Variants in CACNA2D3 observed in about 807,000 individuals in gnomAD.
CACNA2D3 encodes calcium voltage-gated channel auxiliary subunit alpha2delta 3.
CACNA2D3 carries 60 observed loss-of-function variants against 160.6 expected under a neutral mutation model. The observed-to-expected ratio is 0.37, with a 90% confidence interval of 0.30 to 0.46. The LOEUF is 0.46. CACNA2D3 is among the 20% of genes least tolerant of loss of function. CACNA2D3 has a pLI of 1.00. For synonymous variants in CACNA2D3, 558 were observed against 492.9 expected, an observed-to-expected ratio of 1.13 and a Z score of -1.75; for missense variants, 1,205 against 1,365.0, an observed-to-expected ratio of 0.88 and a Z score of 1.85.
chr3:54,499,269 C>A (rs1290949626), intron 4 of CACNA2D3, among the ~76,000 whole-genome samples: 2 of 152,040 alleles, frequency 1.3e-5, no homozygotes, highest in Non-Finnish European at 2.9e-5. Flanking sequence ...GAAGGTTGCA[C>A]CTGGATTCCT....
intron 35 of CACNA2D3, among the ~76,000 whole-genome samples, chr3:55,018,946 CTT>C (rs35956279): frequency 3.5e-4 from 42 of 118,476 alleles, no homozygotes; most frequent in Non-Finnish European, 4.1e-4. Flanking sequence ...TTACAGATGC[CTT>C]TTTTTTTTTT....
chr3:54,171,119 CA>C (rs1219111262), intron 2 of CACNA2D3, among the ~76,000 whole-genome samples: 3 of 89,698 alleles, frequency 3.3e-5, no homozygotes, highest in Non-Finnish European at 6.9e-5. Flanking sequence ...CTTCTGTTTA[CA>C]TTTTAAAGAT....
chr3:54,715,324 G>C (rs140764056), intron 11 of CACNA2D3, among the ~76,000 whole-genome samples: 21 of 152,248 alleles, frequency 1.4e-4, no homozygotes, highest in African/African-American at 5.1e-4. Context: ...GCAAGGTATG[G>C]GAGAAGGGGC....
At chr3:54,314,944 G>T (rs1396350096) in intron 2 of CACNA2D3, among the ~76,000 whole-genome samples, 1 of 151,990 alleles carries the variant, frequency 6.6e-6, no homozygotes, top group Non-Finnish European at 1.5e-5. Flanking sequence ...AGAGGGACCT[G>T]GTAATACTTT....
intron 9 of CACNA2D3, among the ~76,000 whole-genome samples, chr3:54,613,941 T>G (rs1457348760): frequency 1.3e-5 from 2 of 152,176 alleles, no homozygotes; most frequent in African/African-American, 2.4e-5. Flanking sequence ...CAAATCACCA[T>G]GAGCCTCTCC....
chr3:54,456,720 A>G (rs1314477815), intron 4 of CACNA2D3, among the ~76,000 whole-genome samples: 1 of 151,770 alleles, frequency 6.6e-6, no homozygotes, highest in Non-Finnish European at 1.5e-5. Context: ...CAGTGAAACC[A>G]CTCGGTCCCG....
At chr3:54,461,110 A>C (rs1700495836) in intron 4 of CACNA2D3, among the ~76,000 whole-genome samples, 1 of 152,164 alleles carries the variant, frequency 6.6e-6, no homozygotes, top group African/African-American at 2.4e-5. Context: ...CCAGCCTTGC[A>C]TCCCAGGGAT....
At chr3:54,288,052 A>C (rs1246904915) in intron 2 of CACNA2D3, among the ~76,000 whole-genome samples, 2 of 152,054 alleles carry the variant, frequency 1.3e-5, no homozygotes, top group Non-Finnish European at 2.9e-5. Context: ...AGCTAGCAGA[A>C]GGCAAGAAAT....
intron 27 of CACNA2D3, among the ~76,000 whole-genome samples, chr3:54,919,936 C>A (rs940066483): frequency 6.6e-6 from 1 of 152,168 alleles, no homozygotes; most frequent in Non-Finnish European, 1.5e-5. Flanking sequence ...CTCTCAGGAG[C>A]GTTGTGAGGT....
intron 3 of CACNA2D3, among the ~76,000 whole-genome samples, chr3:54,374,977 G>A (rs765704814): frequency 2.0e-5 from 3 of 152,024 alleles, no homozygotes; most frequent in Non-Finnish European, 2.9e-5. Flanking sequence ...ATCTTCATAT[G>A]CCAAGCCACT....
chr3:54,808,224 A>G (rs1323569347), intron 13 of CACNA2D3, among the ~76,000 whole-genome samples: 1 of 152,096 alleles, frequency 6.6e-6, no homozygotes, highest in African/African-American at 2.4e-5. Flanking sequence ...TTAAAAAATA[A>G]AAAATAGTAA....
Position 54,537,436 on chromosome 3 carries a change from A to G in CACNA2D3, c.545-25364A>G, listed in dbSNP as rs147680688. On this transcript the variant is annotated intron_variant, in intron 5 of 37. Coordinates refer to ENST00000474759, the MANE Select transcript of CACNA2D3 (RefSeq NM_018398.3). Reference sequence around the variant, plus strand: ...AATGGGGGTGTAATAGCACTCCCTCATTGGAGTCACTTATTTTACAAACAT... The same window carrying G: ...AATGGGGGTGTAATAGCACTCCCTCGTTGGAGTCACTTATTTTACAAACAT... Among the ~76,000 whole-genome samples the G allele has an allele frequency of 9.9e-4, 150 of 152,158 alleles. 3 individuals are homozygous for G. Among genetic ancestry groups the G allele is most frequent in the Middle Eastern group, 3.4e-3 (1 of 294 alleles).
At chr3:54,716,470 G>A (rs968541662) in intron 11 of CACNA2D3, among the ~76,000 whole-genome samples, 1 of 152,108 alleles carries the variant, frequency 6.6e-6, no homozygotes, top group Admixed American at 6.5e-5. Flanking sequence ...AAAGGAGGGG[G>A]TAGACGTTAC....
intron 31 of CACNA2D3, among the ~76,000 whole-genome samples, chr3:54,992,280 A>G (rs1033764989): frequency 2.6e-5 from 4 of 152,228 alleles, no homozygotes; most frequent in African/African-American, 9.6e-5. Context: ...TCTTTGCAGC[A>G]AAATAGGATG....
At chr3:54,781,015 A>G (rs1472984471) in intron 13 of CACNA2D3, among the ~76,000 whole-genome samples, 2 of 152,240 alleles carry the variant, frequency 1.3e-5, no homozygotes, top group African/African-American at 4.8e-5. Flanking sequence ...GGTTACTAAA[A>G]TGTGTGGGTC....
intron 13 of CACNA2D3, among the ~76,000 whole-genome samples, chr3:54,780,595 C>A (rs1702514674): frequency 6.6e-6 from 1 of 152,170 alleles, no homozygotes; most frequent in Non-Finnish European, 1.5e-5. Flanking sequence ...GTCCATGAAG[C>A]TTCTTTAGCA....
intron 4 of CACNA2D3, among the ~76,000 whole-genome samples, chr3:54,461,742 A>G (rs1374381558): frequency 2.0e-5 from 3 of 151,760 alleles, no homozygotes; most frequent in African/African-American, 4.8e-5. Flanking sequence ...TGGATTGATT[A>G]ATTTTTTGAA....
At chr3:54,313,449 C>A (rs1344617870) in intron 2 of CACNA2D3, among the ~76,000 whole-genome samples, 1 of 152,080 alleles carries the variant, frequency 6.6e-6, no homozygotes, top group East Asian at 1.9e-4. Context: ...ATCACTGATC[C>A]CTCCTACCCT....
At chr3:54,392,009 T>C (rs1263225094) in intron 4 of CACNA2D3, among the ~76,000 whole-genome samples, 1 of 152,224 alleles carries the variant, frequency 6.6e-6, no homozygotes, top group Non-Finnish European at 1.5e-5. Context: ...TTTTACTTTA[T>C]GCTGCGAATT....
Sources: gnomAD v4.1 joint callset for allele counts (sites outside exome capture counted in the v4.1 genomes callset) on GRCh38, gnomAD v4.1.1 for gene constraint, MANE v1.5 for transcripts, NCBI Gene and HGNC (gene_info 2026-07-23, HGNC 2026-07-21) for gene names.